Variants in POLG observed in about 807,000 individuals in gnomAD.
The protein encoded by POLG is DNA polymerase subunit gamma-1.
Under a neutral mutation model 155.4 loss-of-function variants are expected in POLG, and 110 were observed. The observed-to-expected ratio is 0.71, with a 90% confidence interval of 0.61 to 0.83. POLG has a LOEUF of 0.83. POLG is among the 40% of genes least tolerant of loss of function. POLG has a pLI of 0.00. For missense variants in POLG, 1,685 were observed against 1,627.5 expected, an observed-to-expected ratio of 1.04 and a Z score of -0.61; for synonymous variants, 701 against 631.5, an observed-to-expected ratio of 1.11 and a Z score of -1.65.
chr15:89,334,602 C>G (rs941374867), intron 1 of POLG, 71 bp downstream of exon 1: 1 of 152,314 alleles, frequency 6.6e-6, no homozygotes, highest in African/African-American at 2.4e-5. Flanking sequence ...GCCTCGCTCC[C>G]TGACTGGAGA....
In POLG at chr15:89,325,133, AGT is replaced by A. The variant is rs1332808741; in HGVS notation, c.1949+315_1949+316del. Reference sequence around the variant, plus strand: ...GAGAGAGTGAGTGAGTGAGTGAGAGAGTGAGTGAGAGAGTGAGTGAGTGAGTG... The same window carrying A: ...GAGAGAGTGAGTGAGTGAGTGAGAGAGAGTGAGAGAGTGAGTGAGTGAGTG... On this transcript the variant is annotated intron_variant, in intron 10 of 22. Transcript: ENST00000268124. Among the ~76,000 whole-genome samples, 8 of 73,762 alleles carry A rather than the reference AGT, an allele frequency of 1.1e-4. 2 individuals carry two copies. Among genetic ancestry groups the A allele is most frequent in the Admixed American group, 3.2e-4 (2 of 6,208 alleles). The allele number at this position is 73,762 out of a possible 152,430, so 48.4% of individuals were successfully genotyped here. A position where few individuals can be genotyped will look rare whatever the true frequency, so the allele number is the denominator to read the frequency against.
At chr15:89,324,044 C>G in intron 11 of POLG, 63 bp downstream of exon 11, 1 of 1,610,688 alleles carries the variant, frequency 6.2e-7, no homozygotes, top group Non-Finnish European at 8.5e-7. Context: ...AAGGCTGCCC[C>G]TTCCCTGGGT....
At position 89,334,757 on chromosome 15, in the gene POLG, G is replaced by C. The variant is rs372505641; in HGVS notation, c.-244C>G. ...CGTCCCCCTTCGCGCGGCCTACGCA[G>C]CCTCGGGGTAGCGTGTGGCCTCCAC... is the stretch of plus-strand genomic sequence containing the variant. On this transcript the variant is annotated 5_prime_UTR_variant, in exon 1 of 23. Coordinates refer to ENST00000268124, the MANE Select transcript of POLG (RefSeq NM_002693.3). The C allele has an allele frequency of 6.6e-6, 1 of 152,514 alleles. No homozygotes were observed. Among genetic ancestry groups the C allele is most frequent in the East Asian group, 1.9e-4 (1 of 5,192 alleles). The allele number at this position is 152,514 out of a possible 1,614,324, so 9.4% of individuals were successfully genotyped here.
chr15:89,333,505 G>A lies in POLG; in HGVS notation c.250C>T (p.His84Tyr). 1 of 1,612,780 alleles carries A rather than the reference G, an allele frequency of 6.2e-7. No individual in the cohort carries two copies. Among genetic ancestry groups the A allele is most frequent in the Non-Finnish European group, 8.5e-7 (1 of 1,179,690 alleles). Residue 84 changes from histidine (H) to tyrosine (Y), a missense_variant, in exon 2 of 23, where the codon CAC (histidine) becomes TAC (tyrosine). His to Tyr is a moderately conservative substitution (Grantham distance 83). Transcript: ENST00000268124. ...CCTCCTTGCCCGAAGATTTGCTCGT[G>A]CAGCCCTCTCGAGAGCATCTGGATG... ...LDIQMLSRGL[H>Y]EQIFGQGGEM... is the part of the protein sequence containing the mutation.
chr15:89,325,117 AGTGAGTGAGTG>A lies in POLG; in HGVS notation c.1949+322_1949+332del, dbSNP rs2055472120. Among the ~76,000 whole-genome samples, 4 of 64,706 alleles carry A rather than the reference AGTGAGTGAGTG, an allele frequency of 6.2e-5. No homozygotes were observed. The South Asian group carries it at 1.7e-3, about 28-fold the overall frequency. The allele number at this position is 64,706 out of a possible 152,430, so 42.4% of individuals were successfully genotyped here. ...GTGAGTGAGAGAGTGAGAGAGAGTG[AGTGAGTGAGTG>A]AGAGAGTGAGTGAGAGAGTGAGTGA... is the stretch of plus-strand genomic sequence containing the variant. On this transcript the variant is annotated intron_variant, in intron 10 of 22. Coordinates refer to ENST00000268124, the MANE Select transcript of POLG (RefSeq NM_002693.3).
intron 9 of POLG, 48 bp from the exon 10 acceptor site, chr15:89,325,734 G>A (rs1189428302): frequency 7.2e-7 from 1 of 1,394,774 alleles, no homozygotes; most frequent in Non-Finnish European, 1.0e-6. Flanking sequence ...AAGGGCAGTT[G>A]TTGGGGGGAA....
At position 89,333,492 on chromosome 15, in the gene POLG, A is replaced by C; in HGVS notation, c.263T>G (p.Phe88Cys). ...MLSRGLHEQI[F>C]GQGGEMPGEA... ...GCCAGGCATCTCCCCTCCTTGCCCG[A>C]AGATTTGCTCGTGCAGCCCTCTCGA... The change falls in exon 2 of 23, where the codon TTC becomes TGC. Residue 88 changes from phenylalanine (F) to cysteine (C), a missense_variant. Transcript: ENST00000268124. The C allele has an allele frequency of 2.5e-6, 4 of 1,612,690 alleles. No homozygotes were observed. The East Asian group carries it at 6.7e-5, about 27-fold the overall frequency.
intron 18 of POLG, 34 bp downstream of exon 18, chr15:89,320,732 T>C (rs746337824): frequency 2.5e-6 from 4 of 1,610,506 alleles, no homozygotes; most frequent in South Asian, 1.1e-5. Flanking sequence ...CCTCGGGTCC[T>C]GGGTGTTAAA....
At chr15:89,317,093 CAAG>C (rs1280923251) in intron 22 of POLG, 1 of 590,094 alleles carries the variant, frequency 1.7e-6, no homozygotes, top group Non-Finnish European at 3.0e-6. Flanking sequence ...CTATAGAGTG[CAAG>C]AATGCACTCT....
Position 89,319,135 on chromosome 15 carries a change from T to C in POLG, c.3105-36A>G, listed in dbSNP as rs2246900. ...AGAAACAGAGGGCAGACTTTGTCTT[T>C]CAGCATCTCAAAGCTAAAAAACAAA... On this transcript the variant is annotated intron_variant, in intron 19 of 22. Coordinates refer to ENST00000268124, the MANE Select transcript of POLG (RefSeq NM_002693.3). 609,206 of 1,613,776 alleles carry C rather than the reference T, an allele frequency of 0.38. 118,208 individuals carry two copies. The highest frequency in any genetic ancestry group is 0.4 in the South Asian group (36,214 of 91,078).
intron 10 of POLG, 92 bp from the exon 11 acceptor site, chr15:89,324,319 G>C: frequency 7.0e-7 from 1 of 1,435,368 alleles, no homozygotes; most frequent in South Asian, 1.2e-5. Flanking sequence ...AATTCCCTTT[G>C]TTTAGTCCTC....
rs1064795188 is a variant in POLG at position 89,327,080 on chromosome 15, C to CT, written c.1434-18dup. On this transcript the variant is annotated splice_polypyrimidine_tract_variant and intron_variant, in intron 7 of 22. Transcript: ENST00000268124. ...TCTTTGTACCTACAGAGCCAGTCCA[C>CT]TAGGGCAGGGCTAAGGCTAAGCCGA... 2 of 1,614,100 alleles carry CT rather than the reference C, an allele frequency of 1.2e-6. No individual in the cohort carries two copies. Among genetic ancestry groups the CT allele is most frequent in the African/African-American group, 2.7e-5 (2 of 74,946 alleles).
chr15:89,319,196 C>T lies in POLG; in HGVS notation c.3104+32G>A, dbSNP rs200269242. On this transcript the variant is annotated intron_variant, in intron 19 of 22. Transcript: ENST00000268124. ...TCTTCTGGGGCAAGCCCAGACCCCT[C>T]CCTCCATCCTTAACACAAAGAAGGT... 5.1e-4 allele frequency: 831 copies of T among 1,614,084 alleles called. 6 individuals carry two copies. Among genetic ancestry groups the T allele is most frequent in the Middle Eastern group, 1.6e-4 (1 of 6,084 alleles).
At chr15:89,328,061 T>C (rs972428522) in intron 6 of POLG, among the ~76,000 whole-genome samples, 5 of 152,162 alleles carry the variant, frequency 3.3e-5, no homozygotes, top group Middle Eastern at 3.2e-3. Context: ...TACACCCAAA[T>C]TTTCCTCCCT....
intron 11 of POLG, 54 bp downstream of exon 11, chr15:89,324,053 G>A (rs1415249174): frequency 1.2e-5 from 20 of 1,612,274 alleles, no homozygotes; most frequent in Non-Finnish European, 1.4e-5. Flanking sequence ...CCTTCCCTGG[G>A]TGGAATACAG....
At position 89,328,803 on chromosome 15, in the gene POLG, C is replaced by G. The variant is rs2152067988; in HGVS notation, c.1052G>C (p.Ser351Thr). ...CACCTCTGCCAGACTGTTGACACTG[C>G]TGATGTCCAGCCAGTCCCAGGATGA... Reference protein sequence around the residue: ...AISSWDWLDISSVNSLAEVHR... With the variant: ...AISSWDWLDITSVNSLAEVHR... The change falls in exon 5 of 23, where the codon AGC becomes ACC. Residue 351 changes from serine to threonine, a missense_variant. Ser to Thr is a moderately conservative substitution (Grantham distance 58). Transcript: ENST00000268124. The G allele has an allele frequency of 6.2e-7, 1 of 1,614,136 alleles. No individual in the cohort carries two copies. Among genetic ancestry groups the G allele is most frequent in the Non-Finnish European group, 8.5e-7 (1 of 1,180,054 alleles).
Position 89,318,737 on chromosome 15 carries a change from G to A in POLG, c.3286C>T (p.Arg1096Cys), listed in dbSNP as rs201732356. 2.3e-5 allele frequency: 37 copies of A among 1,613,838 alleles called. No homozygotes were observed. The highest frequency in any genetic ancestry group is 8.9e-5 in the East Asian group (4 of 44,894). ...GAGCTCTGTACCACCCAATTCACAC[G>A]GCTGGTCATAAACTGGGAAGGGAAG... ...SAVQEEFMTS[R>C]VNWVVQSSAV... Residue 1096 changes from arginine (R) to cysteine (C), a missense_variant, in exon 21 of 23, where the codon CGT (arginine) becomes TGT (cysteine). Arg to Cys is a radical substitution (Grantham distance 180). Coordinates refer to ENST00000268124, the MANE Select transcript of POLG (RefSeq NM_002693.3).
chr15:89,325,458 G>A lies in POLG; in HGVS notation c.1941C>T (p.Cys647=). 6.2e-7 allele frequency: 1 copy of A among 1,600,852 alleles called. No individual in the cohort carries two copies. Among genetic ancestry groups the A allele is most frequent in the Non-Finnish European group, 8.5e-7 (1 of 1,177,992 alleles). ...GTTLESAGVV[C]PYRAIESLYR... ...CTGGGCCTAAGCCTTACCTGTAGGG[G>A]CAGACCACCCCAGCTGACTCCAGGG... The change falls in exon 10 of 23, where the codon TGC becomes TGT. Residue 647 remains cysteine, a synonymous_variant. Transcript: ENST00000268124.
chr15:89,321,357 G>A, intron 16 of POLG, 97 bp from the exon 17 acceptor site: 3 of 1,408,064 alleles, frequency 2.1e-6, no homozygotes, highest in Non-Finnish European at 3.0e-6. Flanking sequence ...CTGAGGGGAT[G>A]GCTTTAGAGA....
Sources: gnomAD v4.1 joint callset for allele counts (sites outside exome capture counted in the v4.1 genomes callset) on GRCh38, gnomAD v4.1.1 for gene constraint, MANE v1.5 for transcripts, NCBI Gene and HGNC (gene_info 2026-07-23, HGNC 2026-07-21) for gene names.